ASH1L: variants seen among roughly 807,000 people sequenced by gnomAD.
The protein encoded by ASH1L is histone-lysine N-methyltransferase ASH1L.
Under a neutral mutation model 269.0 loss-of-function variants are expected in ASH1L, and 23 were observed. The ratio of observed to expected loss-of-function variants is 0.09; its 90% confidence interval spans 0.06 to 0.12. ASH1L has a LOEUF of 0.12. Ranked by LOEUF, ASH1L falls within the 10% of genes least tolerant of loss-of-function variation. ASH1L has a pLI of 1.00. For synonymous variants in ASH1L, 1,187 were observed against 1,253.5 expected, an observed-to-expected ratio of 0.95 and a Z score of 1.12; for missense variants, 2,912 against 3,567.8, an observed-to-expected ratio of 0.82 and a Z score of 4.68.
At chr1:155,364,066 T>C (rs960561982) in intron 12 of ASH1L, among the ~76,000 whole-genome samples, 1 of 151,588 alleles carries the variant, frequency 6.6e-6, no homozygotes, top group Non-Finnish European at 1.5e-5. Context: ...GACTGAGCAA[T>C]GAGGATCGCT....
At chr1:155,448,258 A>G (rs1029901733) in intron 4 of ASH1L, among the ~76,000 whole-genome samples, 6 of 152,234 alleles carry the variant, frequency 3.9e-5, no homozygotes, top group African/African-American at 2.4e-5. Flanking sequence ...GCTCTGTAGC[A>G]TAACTGAAGT....
chr1:155,440,619 A>AC (rs1662471485), intron 4 of ASH1L: 1 of 608,230 alleles, frequency 1.6e-6, no homozygotes, highest in Non-Finnish European at 2.1e-6. Flanking sequence ...ACGAAAAATG[A>AC]CCCCTTCCTT....
chr1:155,337,594 GAGC>G lies in ASH1L; in HGVS notation c.*63_*65del. ...CTTCCCACCCCTGTCTATACCCAGA[GAGC>G]AGGAGGCAGGACTGATTAGCTCCAC... On this transcript the variant is annotated 3_prime_UTR_variant, in exon 28 of 28. Coordinates refer to ENST00000392403, the MANE Select transcript of ASH1L (RefSeq NM_018489.3). 7.3e-7 allele frequency: 1 copy of G among 1,362,678 alleles called. No individual in the cohort carries two copies. 84.4% of individuals were successfully genotyped at this position (1,362,678 alleles called of 1,614,324 possible). A position where few individuals can be genotyped will look rare whatever the true frequency, so the allele number is the denominator to read the frequency against.
chr1:155,475,280 G>A (rs1189157673), intron 3 of ASH1L, among the ~76,000 whole-genome samples: 2 of 152,148 alleles, frequency 1.3e-5, no homozygotes, highest in Admixed American at 1.3e-4. Flanking sequence ...GGGACTACAG[G>A]CACGTGCCAC....
intron 6 of ASH1L, among the ~76,000 whole-genome samples, chr1:155,403,049 G>C (rs1658985978): frequency 1.3e-5 from 2 of 151,900 alleles, no homozygotes; most frequent in African/African-American, 4.8e-5. Flanking sequence ...GCCAGGTGTG[G>C]TAGCGCACGC....
At chr1:155,486,377 A>C (rs1436346193) in intron 2 of ASH1L, among the ~76,000 whole-genome samples, 1 of 152,136 alleles carries the variant, frequency 6.6e-6, no homozygotes, top group Non-Finnish European at 1.5e-5. Flanking sequence ...CTTTCTTCAC[A>C]TTATATTAAA....
chr1:155,369,149 T>C (rs973488453), intron 12 of ASH1L, among the ~76,000 whole-genome samples: 1 of 152,138 alleles, frequency 6.6e-6, no homozygotes, highest in African/African-American at 2.4e-5. Context: ...ACACTTAAGA[T>C]CTATGTATTT....
In ASH1L at chr1:155,478,810, G is replaced by A. The variant is rs1432354760; in HGVS notation, c.4060C>T (p.Pro1354Ser). ...TCAGCCATTGCCTCCCTCATCTTAG[G>A]GGGTCTCCCTCTTTTCTTTTTTAAG... ...PDLKKKRGRP[P>S]KMREAMAEMP... is the part of the protein sequence containing the mutation. Residue 1354 changes from proline (P) to serine (S), a missense_variant, in exon 3 of 28, where the codon CCT becomes TCT. Around this residue, in one of 13 missense-constraint regions of ASH1L, gnomAD observed 789 missense variants for 897.6 expected, o/e 0.88. Coordinates refer to ENST00000392403, the MANE Select transcript of ASH1L (RefSeq NM_018489.3). This position sits in a 1 kb window ranked among gnomAD's most constrained non-coding sequence, Gnocchi z 4.6. 2 of 1,613,980 alleles carry A rather than the reference G, an allele frequency of 1.2e-6. No individual in the cohort carries two copies. The highest frequency in any genetic ancestry group is 1.3e-5 in the African/African-American group (1 of 74,880).
intron 7 of ASH1L, among the ~76,000 whole-genome samples, chr1:155,384,723 T>C (rs1657276753): frequency 6.6e-6 from 1 of 152,134 alleles, no homozygotes. Context: ...TACTGAAATG[T>C]GATTATGTGT....
chr1:155,536,814 G>A (rs996579800), intron 1 of ASH1L, among the ~76,000 whole-genome samples: 2 of 151,986 alleles, frequency 1.3e-5, no homozygotes, highest in Non-Finnish European at 2.9e-5. Context: ...AGGCTGAAAT[G>A]GGCAGATCAC....
At chr1:155,403,336 A>C (rs1450220559) in intron 6 of ASH1L, among the ~76,000 whole-genome samples, 1 of 152,178 alleles carries the variant, frequency 6.6e-6, no homozygotes, top group Non-Finnish European at 1.5e-5. Flanking sequence ...AACCAAAAAA[A>C]CCCACAAAAG....
At chr1:155,364,419 T>C (rs1370427353) in intron 12 of ASH1L, among the ~76,000 whole-genome samples, 2 of 152,206 alleles carry the variant, frequency 1.3e-5, no homozygotes, top group Non-Finnish European at 2.9e-5. Flanking sequence ...AAAGTGGTTA[T>C]ACCAATTTAC....
intron 5 of ASH1L, among the ~76,000 whole-genome samples, chr1:155,426,947 C>T (rs752534155): frequency 7.2e-5 from 11 of 152,050 alleles, no homozygotes; most frequent in Non-Finnish European, 1.6e-4. Flanking sequence ...ACTTACTGGG[C>T]ACAATTTGTT....
In ASH1L at chr1:155,335,310, T is replaced by C. The variant is rs979435264; in HGVS notation, c.*2350A>G. The C allele has an allele frequency of 6.5e-6, 1 of 152,812 alleles. No homozygotes were observed. Among genetic ancestry groups the C allele is most frequent in the Non-Finnish European group, 1.5e-5 (1 of 68,048 alleles). 9.5% of individuals were successfully genotyped at this position (152,812 alleles called of 1,614,324 possible). A position where few individuals can be genotyped will look rare whatever the true frequency, so the allele number is the denominator to read the frequency against. ...CATTTAATACTAGACTTTCAAGGATTGAGATGCAAGCTTTGTATGCAATTA... is the reference window on the plus strand; with the variant it reads ...CATTTAATACTAGACTTTCAAGGATCGAGATGCAAGCTTTGTATGCAATTA... On this transcript the variant is annotated 3_prime_UTR_variant, in exon 28 of 28. Coordinates refer to ENST00000392403, the MANE Select transcript of ASH1L (RefSeq NM_018489.3).
intron 2 of ASH1L, among the ~76,000 whole-genome samples, chr1:155,491,795 AAGTAGCTAGCT>A (rs1302289060): frequency 1.3e-5 from 2 of 151,626 alleles, no homozygotes; most frequent in Non-Finnish European, 2.9e-5. Flanking sequence ...TCAGCCTCCC[AAGTAGCTAGCT>A]GGTTTACAGG....
At position 155,378,275 on chromosome 1, in the gene ASH1L, C is replaced by T; in HGVS notation, c.6332+6G>A. On this transcript the variant is annotated splice_donor_region_variant and intron_variant, in intron 10 of 27. Transcript: ENST00000392403. ...ATGCTTTAGAGAAATCAAAGCATGA[C>T]AGTACCTATTGAGGCAGTCATCAAC... 1 of 1,608,784 alleles carries T rather than the reference C, an allele frequency of 6.2e-7. No individual in the cohort carries two copies. The highest frequency in any genetic ancestry group is 8.5e-7 in the Non-Finnish European group (1 of 1,175,154).
intron 1 of ASH1L, among the ~76,000 whole-genome samples, chr1:155,525,815 C>T (rs1401859465): frequency 6.6e-6 from 1 of 151,918 alleles, no homozygotes; most frequent in Non-Finnish European, 1.5e-5. Flanking sequence ...CACCTCCCAT[C>T]CCACCCCCTC....
Position 155,481,409 on chromosome 1 carries a change from G to T in ASH1L, c.1461C>A (p.Ile487=), listed in dbSNP as rs369209636. The T allele has an allele frequency of 1.1e-5, 17 of 1,613,932 alleles. No individual in the cohort carries two copies. The highest frequency in any genetic ancestry group is 1.4e-5 in the Non-Finnish European group (17 of 1,179,952). Residue 487 remains isoleucine, a synonymous_variant, in exon 3 of 28, where the codon ATC becomes ATA. Coordinates refer to ENST00000392403, the MANE Select transcript of ASH1L (RefSeq NM_018489.3). ...ILEKFSVRKE[I]INLEKEMFNE... ...TAAACATTTCTTTCTCCAAATTAAT[G>T]ATTTCTTTTCGTACTGAGAACTTTT...
chr1:155,336,616 G>C lies in ASH1L; in HGVS notation c.*1044C>G, dbSNP rs1047382437. 1.3e-5 allele frequency: 2 copies of C among 152,572 alleles called. No individual in the cohort carries two copies. The highest frequency in any genetic ancestry group is 2.9e-5 in the Non-Finnish European group (2 of 68,004). The allele number at this position is 152,572 out of a possible 1,614,324, so 9.5% of individuals were successfully genotyped here. A position where few individuals can be genotyped will look rare whatever the true frequency, so the allele number is the denominator to read the frequency against. ...CTCCTGATGTCATTCAGGAGGGTGA[G>C]GGAAGATGGGCTAGGGGTGAAGAGA... On this transcript the variant is annotated 3_prime_UTR_variant, in exon 28 of 28. Coordinates refer to ENST00000392403, the MANE Select transcript of ASH1L (RefSeq NM_018489.3).
Sources: gnomAD v4.1 joint callset for allele counts (sites outside exome capture counted in the v4.1 genomes callset) on GRCh38, gnomAD v4.1.1 for gene constraint, gnomAD v4.1.1 regional missense constraint, Gnocchi (gnomAD v3.1) non-coding constraint, MANE v1.5 for transcripts, NCBI Gene and HGNC (gene_info 2026-07-23, HGNC 2026-07-21) for gene names.